NELFE: variants seen among roughly 807,000 people sequenced by gnomAD.
NELFE encodes negative elongation factor E.
A neutral mutation model predicts 55.5 loss-of-function variants in NELFE; 26 were observed. That is an observed-to-expected ratio of 0.47 (90% CI 0.34 to 0.65). The LOEUF is 0.65. NELFE is among the 30% of genes least tolerant of loss of function. NELFE has a pLI of 0.01. For missense variants in NELFE, 403 were observed against 506.9 expected (o/e 0.80, Z 1.97); for synonymous variants, 162 against 178.0 (o/e 0.91, Z 0.72).
intron 3 of NELFE, 46 bp downstream of exon 3, chr6:31,956,895 C>T: frequency 1.9e-6 from 3 of 1,612,862 alleles, no homozygotes; most frequent in Non-Finnish European, 2.5e-6. Context: ...AAGGTCAGCT[C>T]CATGCTGCCC....
In NELFE at chr6:31,954,105, T is replaced by A; in HGVS notation, c.917A>T (p.Glu306Val). The change falls in exon 9 of 11, where the codon GAG becomes GTG. Residue 306 changes from glutamate (E) to valine (V), a missense_variant. By Grantham distance (121) the Glu-to-Val change is moderately radical (BLOSUM62 -2). Around this residue, in one of 3 missense-constraint regions of NELFE, gnomAD observed 77 missense variants for 123.3 expected, o/e 0.62. Transcript: ENST00000375429. This position sits in a 1 kb window ranked among gnomAD's most constrained non-coding sequence, Gnocchi z 5.5. The stretch of plus-strand genomic sequence containing the variant: ...CTCAGCAACGGCCTGATCTGCTGAC[T>A]CCATCTTTTCATAGGTGACGAAGGC... ...NCAFVTYEKM[E>V]SADQAVAELN... 6.2e-7 allele frequency: 1 copy of A among 1,613,852 alleles called. No homozygotes were observed. The highest frequency in any genetic ancestry group is 8.5e-7 in the Non-Finnish European group (1 of 1,179,986).
chr6:31,954,806 C>T lies in NELFE; in HGVS notation c.491G>A (p.Arg164Gln), dbSNP rs201967641. The part of the protein sequence containing the change: ...EGPGAGDGPP[R>Q]SFDWGYEERS... ...TTCTTCATAGCCCCAGTCAAAGCTT[C>T]GAGGGGGACCATCACCAGCCCCTGG... The change falls in exon 7 of 11, where the codon CGA becomes CAA. Residue 164 changes from arginine (R) to glutamine (Q), a missense_variant. Transcript: ENST00000375429. The surrounding 1 kb of genome is among the most constrained non-coding windows in gnomAD (Gnocchi z 5.5). 1.2e-5 allele frequency: 19 copies of T among 1,604,440 alleles called. No individual in the cohort carries two copies. Among genetic ancestry groups the T allele is most frequent in the East Asian group, 4.5e-5 (2 of 44,836 alleles).
chr6:31,953,622 C>T (rs1771891168), intron 10 of NELFE, 107 bp downstream of exon 10: 2 of 938,184 alleles, frequency 2.1e-6, no homozygotes, highest in Admixed American at 3.4e-5. Context: ...ATAGCCTCCG[C>T]ACACACTCTG....
rs1412495880 is a variant in NELFE at position 31,955,233 on chromosome 6, C to T, written c.352G>A (p.Asp118Asn). Residue 118 changes from aspartate to asparagine, a missense_variant, in exon 5 of 11, where the codon GAT becomes AAT. By Grantham distance (23) the Asp-to-Asn change is conservative (BLOSUM62 1). Coordinates refer to ENST00000375429, the MANE Select transcript of NELFE (RefSeq NM_002904.6). The part of the protein sequence containing the change: ...QPFQRSISAD[D>N]DLQESSRRPQ... ...GGAGCCTTTACCTCTTGCAGGTCATCATCAGCAGATATGCTCCTCTGGAAC... is the reference window on the plus strand; with the variant it reads ...GGAGCCTTTACCTCTTGCAGGTCATTATCAGCAGATATGCTCCTCTGGAAC... 1.2e-6 allele frequency: 2 copies of T among 1,608,180 alleles called. No homozygotes were observed. The highest frequency in any genetic ancestry group is 2.2e-5 in the East Asian group (1 of 44,846).
chr6:31,955,197 G>C, intron 5 of NELFE, 22 bp downstream of exon 5: 1 of 1,611,364 alleles, frequency 6.2e-7, no homozygotes, highest in Non-Finnish European at 8.5e-7. Context: ...ACCCCTCAGG[G>C]ACAGAAATTA....
intron 2 of NELFE, chr6:31,957,481 G>A (rs1285874161): frequency 2.2e-6 from 1 of 458,072 alleles, no homozygotes; most frequent in Non-Finnish European, 4.4e-6. Flanking sequence ...TATAAGAGGT[G>A]CAGATTATTC....
chr6:31,956,993 A>G lies in NELFE; in HGVS notation c.93T>C (p.Ala31=), dbSNP rs1426457055. Residue 31 remains alanine (A), a synonymous_variant, in exon 3 of 11, where the codon GCT becomes GCC. Coordinates refer to ENST00000375429, the MANE Select transcript of NELFE (RefSeq NM_002904.6). ...TGCTGCTGCTACTTTGCTTCTTCAG[A>G]GCCAGCAATGCCTTTTTCTGGGAAC... The part of the protein sequence containing the change: ...KLKKKKKALL[A]LKKQSSSSTT... 1.2e-6 allele frequency: 2 copies of G among 1,600,868 alleles called. No individual in the cohort carries two copies. Among genetic ancestry groups the G allele is most frequent in the Non-Finnish European group, 1.7e-6 (2 of 1,169,754 alleles).
chr6:31,958,319 T>A, intron 2 of NELFE, 53 bp downstream of exon 2: 3 of 1,525,094 alleles, frequency 2.0e-6, no homozygotes, highest in Non-Finnish European at 2.7e-6. Flanking sequence ...CCATATCTTC[T>A]CAGAGTGCAG....
At chr6:31,953,242 G>C (rs773500335) in intron 10 of NELFE, among the ~76,000 whole-genome samples, 10 of 152,132 alleles carry the variant, frequency 6.6e-5, no homozygotes, top group Non-Finnish European at 1.2e-4. Flanking sequence ...GAACAGTCCT[G>C]TTTCCTAACA....
At position 31,954,148 on chromosome 6, in the gene NELFE, A is replaced by T. The variant is rs147803785; in HGVS notation, c.888-14T>A. On this transcript the variant is annotated splice_polypyrimidine_tract_variant and intron_variant, in intron 8 of 10. Transcript: ENST00000375429. The surrounding 1 kb of genome is among the most constrained non-coding windows in gnomAD (Gnocchi z 5.5). ...ACGAAGGCACAGCTGGGATAAGAGA[A>T]AACACGGTCAGTGGAGAGCCAAGGG... The T allele has an allele frequency of 6.2e-7, 1 of 1,614,116 alleles. No homozygotes were observed. Among genetic ancestry groups the T allele is most frequent in the Non-Finnish European group, 8.5e-7 (1 of 1,179,978 alleles).
intron 2 of NELFE, 63 bp downstream of exon 2, chr6:31,958,309 C>T: frequency 1.4e-6 from 2 of 1,470,668 alleles, no homozygotes; most frequent in Non-Finnish European, 1.9e-6. Context: ...CACACTCACC[C>T]CATATCTTCT....
In NELFE at chr6:31,954,629, T is replaced by C. The variant is rs756555218; in HGVS notation, c.668A>G (p.Asp223Gly). ...DRERDRDRDR[D>G]RDRDRERDRD... Reference sequence around the variant, plus strand: ...GTCCCGTTCCCGGTCTCGATCTCGATCCCGATCCCGATCCCTGTCCCGCTC... The same window carrying C: ...GTCCCGTTCCCGGTCTCGATCTCGACCCCGATCCCGATCCCTGTCCCGCTC... The change falls in exon 7 of 11, where the codon GAT becomes GGT. Residue 223 changes from aspartate (D) to glycine (G), a missense_variant. This residue lies in a region of NELFE where 229 missense variants were observed against 228.3 expected (regional missense o/e 1.00). Transcript: ENST00000375429. The surrounding 1 kb of genome is among the most constrained non-coding windows in gnomAD (Gnocchi z 5.5). 1 of 1,585,042 alleles carries C rather than the reference T, an allele frequency of 6.3e-7. No individual in the cohort carries two copies. The highest frequency in any genetic ancestry group is 1.4e-5 in the African/African-American group (1 of 73,860).
chr6:31,952,098 T>A lies in NELFE; in HGVS notation c.*203A>T. On this transcript the variant is annotated 3_prime_UTR_variant, in exon 11 of 11. Coordinates refer to ENST00000375429, the MANE Select transcript of NELFE (RefSeq NM_002904.6). ...GCTGCGACAACACCTGTGTTCCAGA[T>A]CCTTTTGGGGCAAGGGAGTGGGGAA... 3 of 1,599,200 alleles carry A rather than the reference T, an allele frequency of 1.9e-6. No individual in the cohort carries two copies. The highest frequency in any genetic ancestry group is 2.6e-6 in the Non-Finnish European group (3 of 1,170,906).
chr6:31,958,785 G>C lies in NELFE; in HGVS notation c.-9+107C>G, dbSNP rs1772258525. 5.8e-6 allele frequency: 4 copies of C among 689,648 alleles called. No individual in the cohort carries two copies. The South Asian group carries it at 6.0e-5, about 10-fold the overall frequency. 42.7% of individuals were successfully genotyped at this position (689,648 alleles called of 1,614,324 possible). ...GGACAACCGCGGGGTTTGAACGGCA[G>C]AGAAGGCGGTGGAGCCAGCGTAGCG... On this transcript the variant is annotated intron_variant, in intron 1 of 10. Coordinates refer to ENST00000375429, the MANE Select transcript of NELFE (RefSeq NM_002904.6).
chr6:31,954,240 G>A lies in NELFE; in HGVS notation c.887+58C>T, dbSNP rs1771929324. On this transcript the variant is annotated intron_variant, in intron 8 of 10. Coordinates refer to ENST00000375429, the MANE Select transcript of NELFE (RefSeq NM_002904.6). The surrounding 1 kb of genome is among the most constrained non-coding windows in gnomAD (Gnocchi z 5.5). ...GCAGGGAGGGCAGCTTCTTCCCTCA[G>A]GTCTCACACCCCAGGATTCTCCCAG... 1 of 1,610,574 alleles carries A rather than the reference G, an allele frequency of 6.2e-7. No homozygotes were observed. Among genetic ancestry groups the A allele is most frequent in the East Asian group, 2.2e-5 (1 of 44,844 alleles).
chr6:31,954,317 A>C lies in NELFE; in HGVS notation c.868T>G (p.Ser290Ala), dbSNP rs1193970538. 1 of 1,612,286 alleles carries C rather than the reference A, an allele frequency of 6.2e-7. No homozygotes were observed. Among genetic ancestry groups the C allele is most frequent in the African/African-American group, 1.3e-5 (1 of 74,800 alleles). The change falls in exon 8 of 11, where the codon TCC (serine) becomes GCC (alanine). Residue 290 changes from serine to alanine, a missense_variant. Ser to Ala is a moderately conservative substitution (Grantham distance 99, BLOSUM62 1). Coordinates refer to ENST00000375429, the MANE Select transcript of NELFE (RefSeq NM_002904.6). This position sits in a 1 kb window ranked among gnomAD's most constrained non-coding sequence, Gnocchi z 5.5. ...CCTTACTTTCTGGGTGGGTCCATGG[A>C]GAGGTCAATGATGTTTCCAAAAGGA... ...FSPFGNIIDL[S>A]MDPPRNCAFV... is the part of the protein sequence containing the mutation.
At chr6:31,956,588 G>T in intron 4 of NELFE, 105 bp downstream of exon 4, 1 of 1,197,714 alleles carries the variant, frequency 8.3e-7, no homozygotes. Context: ...AACTCAGAAT[G>T]GTACAGCAAT....
Position 31,954,545 on chromosome 6 carries a change from A to C in NELFE, c.742+10T>G, listed in dbSNP as rs775814734. 6.3e-7 allele frequency: 1 copy of C among 1,598,932 alleles called. No homozygotes were observed. Among genetic ancestry groups the C allele is most frequent in the Non-Finnish European group, 8.5e-7 (1 of 1,170,280 alleles). ...TAAGGTCACCTTGACCTCCAGCCAAAATCACTCACTGCGGAAAGGACCCTC... is the reference window on the plus strand; with the variant it reads ...TAAGGTCACCTTGACCTCCAGCCAACATCACTCACTGCGGAAAGGACCCTC... On this transcript the variant is annotated intron_variant, in intron 7 of 10. Transcript: ENST00000375429. The surrounding 1 kb of genome is among the most constrained non-coding windows in gnomAD (Gnocchi z 5.5).
intron 10 of NELFE, 80 bp downstream of exon 10, chr6:31,953,649 G>A: frequency 2.4e-6 from 3 of 1,226,546 alleles, no homozygotes; most frequent in Non-Finnish European, 2.4e-6. Flanking sequence ...ATCATCTCTA[G>A]GAAACCCAAG....
Sources: gnomAD v4.1 joint callset for allele counts (sites outside exome capture counted in the v4.1 genomes callset) on GRCh38, gnomAD v4.1.1 for gene constraint, gnomAD v4.1.1 regional missense constraint, Gnocchi (gnomAD v3.1) non-coding constraint, MANE v1.5 for transcripts, NCBI Gene and HGNC (gene_info 2026-07-23, HGNC 2026-07-21) for gene names.